CADM2: variants seen among roughly 807,000 people sequenced by gnomAD.
CADM2 encodes the protein immunoglobulin superfamily member 4D.
A neutral mutation model predicts 49.8 loss-of-function variants in CADM2; 12 were observed. That is an observed-to-expected ratio of 0.24 (90% CI 0.15 to 0.39). The LOEUF is 0.39. CADM2 is among the 10% of genes least tolerant of loss of function. CADM2 has a pLI of 1.00. For missense variants in CADM2, 378 were observed against 492.3 expected (o/e 0.77, Z 2.20); for synonymous variants, 214 against 175.4 (o/e 1.22, Z -1.74).
At chr3:85,189,848 A>T (rs2041163090) in intron 1 of CADM2, among the ~76,000 whole-genome samples, 1 of 150,450 alleles carries the variant, frequency 6.6e-6, no homozygotes, top group Non-Finnish European at 1.5e-5. Flanking sequence ...GTTGGAAAGC[A>T]TCAGGACCTT....
chr3:86,005,699 A>T, intron 8 of CADM2, among the ~76,000 whole-genome samples: 1 of 152,198 alleles, frequency 6.6e-6, no homozygotes, highest in East Asian at 1.9e-4. Context: ...TTTAAGTTAC[A>T]AACTATTCAA....
chr3:85,812,608 G>C (rs2072948636), intron 3 of CADM2, among the ~76,000 whole-genome samples: 1 of 151,800 alleles, frequency 6.6e-6, no homozygotes, highest in Non-Finnish European at 1.5e-5. Flanking sequence ...ATGCAGTTTT[G>C]TTACATAGCT....
intron 1 of CADM2, among the ~76,000 whole-genome samples, chr3:85,676,524 G>A (rs940214301): frequency 6.6e-6 from 1 of 151,908 alleles, no homozygotes; most frequent in Non-Finnish European, 1.5e-5. Context: ...TTGTAACATA[G>A]GACAGACTGG....
At chr3:85,562,896 G>C (rs1393751612) in intron 1 of CADM2, among the ~76,000 whole-genome samples, 2 of 152,026 alleles carry the variant, frequency 1.3e-5, no homozygotes, top group Admixed American at 6.6e-5. Context: ...TAATTTATGA[G>C]TTAATAGCAT....
chr3:85,572,470 A>G (rs918156567), intron 1 of CADM2, among the ~76,000 whole-genome samples: 4 of 152,138 alleles, frequency 2.6e-5, no homozygotes, highest in African/African-American at 7.2e-5. Context: ...AGAGACAGAG[A>G]GAGGGGAGAC....
chr3:85,841,027 G>T (rs995356880), intron 3 of CADM2, among the ~76,000 whole-genome samples: 9 of 151,594 alleles, frequency 5.9e-5, no homozygotes, highest in African/African-American at 1.9e-4. Context: ...CACTTTATAA[G>T]ACTGTAATAA....
chr3:86,003,717 G>A (rs560366521), intron 8 of CADM2, among the ~76,000 whole-genome samples: 115 of 152,182 alleles, frequency 7.6e-4, no homozygotes, highest in Non-Finnish European at 1.3e-3. Flanking sequence ...ATACCTTTAA[G>A]AATTCATCCC....
intron 1 of CADM2, among the ~76,000 whole-genome samples, chr3:85,674,453 A>G (rs1460480101): frequency 2.6e-5 from 4 of 152,192 alleles, no homozygotes; most frequent in Admixed American, 6.5e-5. Flanking sequence ...TCTCTAAGGT[A>G]TCTTGCAAAG....
intron 1 of CADM2, among the ~76,000 whole-genome samples, chr3:85,053,459 T>G (rs1223185921): frequency 1.3e-5 from 2 of 151,990 alleles, no homozygotes; most frequent in African/African-American, 2.4e-5. Context: ...ACTGGGAGTG[T>G]TAAGTTAGAA....
chr3:85,389,037 G>C (rs182778487), intron 1 of CADM2, among the ~76,000 whole-genome samples: 1 of 152,116 alleles, frequency 6.6e-6, no homozygotes, highest in East Asian at 1.9e-4. Context: ...GACATTGTGG[G>C]TATCTTATTG....
At chr3:85,267,189 A>G (rs543255913) in intron 1 of CADM2, among the ~76,000 whole-genome samples, 1 of 151,780 alleles carries the variant, frequency 6.6e-6, no homozygotes, top group Non-Finnish European at 1.5e-5. Flanking sequence ...ATTTTTAATT[A>G]TCTTATCACT....
At chr3:85,015,363 A>G (rs1330347202) in intron 1 of CADM2, among the ~76,000 whole-genome samples, 4 of 152,158 alleles carry the variant, frequency 2.6e-5, no homozygotes, top group African/African-American at 9.6e-5. Flanking sequence ...TTGTGATTTA[A>G]TCATGATGTG....
intron 1 of CADM2, among the ~76,000 whole-genome samples, chr3:85,316,098 A>G (rs1220066001): frequency 6.6e-6 from 1 of 152,162 alleles, no homozygotes; most frequent in African/African-American, 2.4e-5. Flanking sequence ...TTCATTTGAA[A>G]TAAAACAAGA....
intron 3 of CADM2, among the ~76,000 whole-genome samples, chr3:85,808,861 T>C (rs1221658836): frequency 6.6e-6 from 1 of 152,116 alleles, no homozygotes; most frequent in East Asian, 1.9e-4. Flanking sequence ...AGGAAAAACA[T>C]GAGTAAATTG....
intron 1 of CADM2, among the ~76,000 whole-genome samples, chr3:85,108,770 A>T (rs573929319): frequency 5.3e-5 from 8 of 152,264 alleles, no homozygotes; most frequent in African/African-American, 1.4e-4. Flanking sequence ...TTGTTACAGG[A>T]ATTATTTGAA....
chr3:85,112,356 A>ATTT lies in CADM2; in HGVS notation c.61+152699_61+152701dup, dbSNP rs201365936. Among the ~76,000 whole-genome samples, 576 of 144,250 alleles carry ATTT rather than the reference A, an allele frequency of 4.0e-3. 5 individuals carry two copies. Among genetic ancestry groups the ATTT allele is most frequent in the East Asian group, 0.034 (168 of 4,980 alleles). 94.6% of individuals were successfully genotyped at this position (144,250 alleles called of 152,430 possible). A position where few individuals can be genotyped will look rare whatever the true frequency, so the allele number is the denominator to read the frequency against. ...ATTTGAAAATTCTGGAGAAACTGTC[A>ATTT]TTTTTTTTTTTTTGGCATTTAACTC... is the stretch of plus-strand genomic sequence containing the variant. On this transcript the variant is annotated intron_variant, in intron 1 of 9. Transcript: ENST00000383699.
chr3:85,565,995 A>T (rs530842152), intron 1 of CADM2, among the ~76,000 whole-genome samples: 1 of 152,178 alleles, frequency 6.6e-6, no homozygotes, highest in Non-Finnish European at 1.5e-5. Context: ...CGCTTTAATA[A>T]ACCCCTTTCT....
chr3:85,543,250 A>T (rs1289259871), intron 1 of CADM2, among the ~76,000 whole-genome samples: 6 of 42,492 alleles, frequency 1.4e-4, no homozygotes, highest in African/African-American at 1.9e-4. Context: ...TTATTTATTT[A>T]TTTTTTATTT....
rs1244612761 is a variant in CADM2 at position 85,883,323 on chromosome 3, G to A, written c.271G>A (p.Ala91Thr). Residue 91 changes from alanine to threonine, a missense_variant, in exon 4 of 10, where the codon GCT becomes ACT. Physicochemically the swap from Ala to Thr is moderately conservative, Grantham distance 58. Transcript: ENST00000383699. ...LRDNRIELVRASWHELSISVS... is the reference protein window; with the variant it reads ...LRDNRIELVRTSWHELSISVS... ...GGACAATAGGATCGAGCTGGTTCGC[G>A]CTTCCTGGCATGAATTGAGTATTAG... is the stretch of plus-strand genomic sequence containing the variant. 6 of 1,613,056 alleles carry A rather than the reference G, an allele frequency of 3.7e-6. No homozygotes were observed. Among genetic ancestry groups the A allele is most frequent in the Non-Finnish European group, 5.1e-6 (6 of 1,179,512 alleles).
Sources: allele counts gnomAD v4.1 joint callset (sites outside exome capture counted in the v4.1 genomes callset), GRCh38; gene constraint gnomAD v4.1.1; transcripts MANE v1.5; gene names NCBI Gene and HGNC (gene_info 2026-07-23, HGNC 2026-07-21).